PLEKHA5: variants seen among roughly 807,000 people sequenced by gnomAD.
PLEKHA5 encodes the protein pleckstrin homology domain-containing family A member 5.
A neutral mutation model predicts 181.9 loss-of-function variants in PLEKHA5; 55 were observed. The ratio of observed to expected loss-of-function variants is 0.30; its 90% CI spans 0.24 to 0.38. The LOEUF (loss-of-function observed/expected upper bound fraction) is 0.38, where lower values mean the gene tolerates loss of function less well. PLEKHA5 is among the 10% of genes least tolerant of loss of function. PLEKHA5 has a pLI of 1.00. For synonymous variants in PLEKHA5, 535 were observed against 529.4 expected, an observed-to-expected ratio of 1.01 and a Z score of -0.15; for missense variants, 1,432 against 1,549.5, an observed-to-expected ratio of 0.92 and a Z score of 1.27.
intron 3 of PLEKHA5, among the ~76,000 whole-genome samples, chr12:19,164,018 A>G (rs943610285): frequency 2.6e-5 from 4 of 152,046 alleles, no homozygotes; most frequent in Non-Finnish European, 5.9e-5. Context: ...CCCTTTTGCT[A>G]TGGATTTCCA....
intron 3 of PLEKHA5, among the ~76,000 whole-genome samples, chr12:19,163,696 C>CTT (rs2043549663): frequency 7.9e-6 from 1 of 126,602 alleles, no homozygotes; most frequent in African/African-American, 2.7e-5. Context: ...CTATCTATCT[C>CTT]TTTCCTGTTC....
rs57639140 is a variant in PLEKHA5 at position 19,226,720 on chromosome 12, A to G, written c.228-27220A>G. On this transcript the variant is annotated intron_variant, in intron 3 of 31. Transcript: ENST00000429027. Reference sequence around the variant, plus strand: ...CCATTTTTAAAGTTTGTGTTTGGATAGTCGTAATTTTTTATGTCTGATCTT... The same window carrying G: ...CCATTTTTAAAGTTTGTGTTTGGATGGTCGTAATTTTTTATGTCTGATCTT... Among the ~76,000 whole-genome samples the G allele has an allele frequency of 3.0e-3, 463 of 152,326 alleles. 4 individuals are homozygous for G. The highest frequency in any genetic ancestry group is 0.011 in the African/African-American group (449 of 41,576).
chr12:19,144,568 G>T (rs1234458460), intron 3 of PLEKHA5, among the ~76,000 whole-genome samples: 1 of 152,226 alleles, frequency 6.6e-6, no homozygotes, highest in Non-Finnish European at 1.5e-5. Context: ...CTACATAGGA[G>T]TGCAAATACA....
At chr12:19,371,527 G>T in intron 31 of PLEKHA5, 1 of 161,532 alleles carries the variant, frequency 6.2e-6, no homozygotes, top group Non-Finnish European at 1.3e-5. Flanking sequence ...CATACCCATA[G>T]TGTAGCTCCA....
Position 19,192,383 on chromosome 12 carries a change from T to C in PLEKHA5, c.227+59933T>C, listed in dbSNP as rs570782268. On this transcript the variant is annotated intron_variant, in intron 3 of 31. Coordinates refer to ENST00000429027, the MANE Select transcript of PLEKHA5 (RefSeq NM_001256470.2). ...AATTAAATATTAAGGAGAACCCTAA[T>C]GAAATTATAAGAATAGAAAATAATT... Among the ~76,000 whole-genome samples, 25 of 152,264 alleles carry C rather than the reference T, an allele frequency of 1.6e-4. No homozygotes were observed. The South Asian group carries it at 5.2e-3, about 32-fold the overall frequency.
intron 4 of PLEKHA5, among the ~76,000 whole-genome samples, chr12:19,254,839 A>G (rs2066412381): frequency 6.6e-6 from 1 of 152,190 alleles, no homozygotes; most frequent in Admixed American, 6.5e-5. Flanking sequence ...CTAATAATAA[A>G]TAAACATGAT....
rs751125220 is a variant in PLEKHA5 at position 19,365,928 on chromosome 12, G to A, written c.3609-36G>A. ...AAAGAAAAATTAATTGTATTCTATA[G>A]TGACAAATTTTTAAATACCAATCTA... On this transcript the variant is annotated intron_variant, in intron 29 of 31. Coordinates refer to ENST00000429027, the MANE Select transcript of PLEKHA5 (RefSeq NM_001256470.2). 16 of 1,516,976 alleles carry A rather than the reference G, an allele frequency of 1.1e-5. No individual in the cohort carries two copies. In the Middle Eastern group the frequency reaches 5.2e-4, roughly 49 times the overall value. 94.0% of individuals were successfully genotyped at this position (1,516,976 alleles called of 1,614,324 possible). A position where few individuals can be genotyped will look rare whatever the true frequency, so the allele number is the denominator to read the frequency against.
At chr12:19,257,179 T>C (rs551131338) in intron 5 of PLEKHA5, among the ~76,000 whole-genome samples, 1 of 152,298 alleles carries the variant, frequency 6.6e-6, no homozygotes, top group South Asian at 2.1e-4. Flanking sequence ...TTTCTAAAAA[T>C]TGTATATCCT....
chr12:19,198,430 C>T (rs1216004802), intron 3 of PLEKHA5, among the ~76,000 whole-genome samples: 2 of 152,158 alleles, frequency 1.3e-5, no homozygotes, highest in African/African-American at 4.8e-5. Context: ...TAACTGTTGG[C>T]CCTCGGGGCT....
At chr12:19,140,819 C>T (rs945925775) in intron 3 of PLEKHA5, among the ~76,000 whole-genome samples, 16 of 152,280 alleles carry the variant, frequency 1.1e-4, no homozygotes, top group Admixed American at 2.0e-4. Flanking sequence ...GACAGAGTCT[C>T]GCTCTGTTGC....
intron 15 of PLEKHA5, among the ~76,000 whole-genome samples, chr12:19,305,861 C>CAAAAAAAAAAAAAAAA (rs376068601): frequency 2.6e-5 from 1 of 37,890 alleles, no homozygotes; most frequent in Non-Finnish European, 5.1e-5. Flanking sequence ...AACTCCATCT[C>CAAAAAAAAAAAAAAAA]AAAAAAAAAA....
chr12:19,266,983 C>G (rs1490075178), intron 8 of PLEKHA5, among the ~76,000 whole-genome samples: 1 of 152,012 alleles, frequency 6.6e-6, no homozygotes, highest in Non-Finnish European at 1.5e-5. Context: ...TTATTAAATC[C>G]AAGCAGACCT....
rs1414952885 is a variant in PLEKHA5, at chr12:19,162,175, C to T, written c.227+29725C>T. Reference sequence around the variant, plus strand: ...TTCATCTCTAGACCCCTTTGATTCCCTGGATTCCATGGAATACTAGGTTTA... The same window carrying T: ...TTCATCTCTAGACCCCTTTGATTCCTTGGATTCCATGGAATACTAGGTTTA... On this transcript the variant is annotated intron_variant, in intron 3 of 31. Coordinates refer to ENST00000429027, the MANE Select transcript of PLEKHA5 (RefSeq NM_001256470.2). Among the ~76,000 whole-genome samples, 8 of 152,194 alleles carry T rather than the reference C, an allele frequency of 5.3e-5. No individual in the cohort carries two copies. In the East Asian group the frequency reaches 1.5e-3, roughly 29 times the overall value.
At chr12:19,290,958 AT>A (rs1462529894) in intron 14 of PLEKHA5, among the ~76,000 whole-genome samples, 162 bp downstream of exon 14, 1 of 152,194 alleles carries the variant, frequency 6.6e-6, no homozygotes, top group Admixed American at 6.5e-5. Context: ...AATTCAACTT[AT>A]TTATACATTA....
intron 3 of PLEKHA5, among the ~76,000 whole-genome samples, chr12:19,231,759 A>G (rs1362018582): frequency 6.7e-6 from 1 of 149,864 alleles, no homozygotes; most frequent in Non-Finnish European, 1.5e-5. Flanking sequence ...ATTTTTTATT[A>G]CTACTATATA....
intron 3 of PLEKHA5, among the ~76,000 whole-genome samples, chr12:19,221,613 C>T (rs2058941264): frequency 6.6e-6 from 1 of 152,068 alleles, no homozygotes; most frequent in Non-Finnish European, 1.5e-5. Context: ...TAAAACCCGA[C>T]CGTATGCAAA....
Position 19,359,746 on chromosome 12 carries a change from G to A in PLEKHA5, c.3483+200G>A, listed in dbSNP as rs553093831. Among the ~76,000 whole-genome samples, 13 of 149,396 alleles carry A rather than the reference G, an allele frequency of 8.7e-5. 1 individual carries two copies. The South Asian group carries it at 2.2e-3, about 25-fold the overall frequency. On this transcript the variant is annotated intron_variant, in intron 28 of 31. Transcript: ENST00000429027. ...TGGGAGGCTGAGGCAGGCGAATCAC[G>A]AGGTCAGGAGATCGAGACCATCCTG... is the stretch of plus-strand genomic sequence containing the variant.
intron 15 of PLEKHA5, 173 bp from the exon 16 acceptor site, chr12:19,314,641 T>C (rs530246109): frequency 1.3e-4 from 78 of 619,078 alleles, no homozygotes; most frequent in Non-Finnish European, 2.1e-4. Flanking sequence ...CAGCGTTTAA[T>C]ACTTGTTTGA....
chr12:19,297,705 C>T (rs537564175), intron 15 of PLEKHA5, among the ~76,000 whole-genome samples: 1 of 149,604 alleles, frequency 6.7e-6, no homozygotes, highest in East Asian at 1.9e-4. Flanking sequence ...TTAAGGTTTG[C>T]CAGAGTCAAT....
Sources: gnomAD v4.1 joint callset for allele counts (sites outside exome capture counted in the v4.1 genomes callset) on GRCh38, gnomAD v4.1.1 for gene constraint, MANE v1.5 for transcripts, NCBI Gene and HGNC (gene_info 2026-07-23, HGNC 2026-07-21) for gene names.